SCFD2: variants seen among roughly 807,000 people sequenced by gnomAD.
SCFD2 encodes the protein sec1 family domain-containing protein 2.
A neutral mutation model predicts 58.9 loss-of-function variants in SCFD2; 54 were observed. The observed-to-expected ratio is 0.92, with a 90% CI of 0.74 to 1.15. SCFD2 has a LOEUF of 1.15. Among genes scored for constraint, SCFD2 ranks in the 50% most tolerant of loss-of-function variants. The pLI is 0.00. For synonymous variants in SCFD2, 321 were observed against 335.9 expected, an observed-to-expected ratio of 0.96 and a Z score of 0.49; for missense variants, 805 against 836.6, an observed-to-expected ratio of 0.96 and a Z score of 0.47.
chr4:53,236,451 G>GATATATATAT (rs146595901), intron 4 of SCFD2, among the ~76,000 whole-genome samples: 8,218 of 144,494 alleles, frequency 0.057, 317 homozygotes, highest in East Asian at 0.18. Context: ...CATATATAAG[G>GATATATATAT]ATATATATAT....
At chr4:53,319,270 T>G (rs1241068983) in intron 2 of SCFD2, among the ~76,000 whole-genome samples, 1 of 152,226 alleles carries the variant, frequency 6.6e-6, no homozygotes, top group Non-Finnish European at 1.5e-5. Flanking sequence ...TATCATACTA[T>G]TCCCCTTGTG....
intron 2 of SCFD2, among the ~76,000 whole-genome samples, chr4:53,335,022 C>T (rs1011996341): frequency 5.9e-5 from 9 of 151,902 alleles, no homozygotes; most frequent in African/African-American, 2.2e-4. Context: ...CATAGCAAAA[C>T]CCCATCTCTA....
At chr4:52,970,938 A>G (rs1382903357) in intron 5 of SCFD2, among the ~76,000 whole-genome samples, 1 of 152,220 alleles carries the variant, frequency 6.6e-6, no homozygotes, top group African/African-American at 2.4e-5. Context: ...AAACTCCAAA[A>G]GACCTGCAGC....
intron 3 of SCFD2, among the ~76,000 whole-genome samples, chr4:53,289,128 G>T (rs1731759374): frequency 6.6e-6 from 1 of 152,186 alleles, no homozygotes; most frequent in South Asian, 2.1e-4. Flanking sequence ...ACTTTGGGAG[G>T]CCGAGGCAGG....
At chr4:52,962,678 G>GGT (rs1720879354) in intron 5 of SCFD2, among the ~76,000 whole-genome samples, 1 of 151,882 alleles carries the variant, frequency 6.6e-6, no homozygotes. Context: ...TTTAGAGGGG[G>GGT]GCAGCATTAC....
chr4:53,256,038 C>T (rs879026466), intron 4 of SCFD2, among the ~76,000 whole-genome samples: 5 of 150,322 alleles, frequency 3.3e-5, no homozygotes, highest in African/African-American at 4.9e-5. Flanking sequence ...ACCTCCCTTC[C>T]GGACGGGGCG....
chr4:53,051,106 AT>A (rs1436685652), intron 5 of SCFD2, among the ~76,000 whole-genome samples: 1 of 152,140 alleles, frequency 6.6e-6, no homozygotes, highest in Non-Finnish European at 1.5e-5. Flanking sequence ...ACCACATCTA[AT>A]TTGTTCCTCA....
intron 4 of SCFD2, among the ~76,000 whole-genome samples, chr4:53,244,380 C>T (rs1220649843): frequency 6.6e-6 from 1 of 152,064 alleles, no homozygotes; most frequent in Non-Finnish European, 1.5e-5. Flanking sequence ...GAACTAAAAT[C>T]ATACCAACCA....
intron 5 of SCFD2, among the ~76,000 whole-genome samples, chr4:53,045,523 T>A (rs1439017410): frequency 6.6e-6 from 1 of 152,160 alleles, no homozygotes; most frequent in Non-Finnish European, 1.5e-5. Context: ...TACAAATAAA[T>A]TTATAAATAA....
At chr4:53,363,681 G>A (rs1319791859) in intron 1 of SCFD2, among the ~76,000 whole-genome samples, 2 of 152,136 alleles carry the variant, frequency 1.3e-5, no homozygotes, top group East Asian at 1.9e-4. Context: ...AAGTTAGCCC[G>A]GCGTAGTGGC....
At chr4:52,975,723 C>T (rs879513667) in intron 5 of SCFD2, among the ~76,000 whole-genome samples, 6 of 152,008 alleles carry the variant, frequency 3.9e-5, no homozygotes, top group Non-Finnish European at 7.4e-5. Flanking sequence ...CACATGCACA[C>T]GAATATTTAT....
chr4:53,257,275 T>A (rs1039568265), intron 4 of SCFD2, among the ~76,000 whole-genome samples: 12 of 152,116 alleles, frequency 7.9e-5, no homozygotes, highest in African/African-American at 2.9e-4. Context: ...AGGCTAGGCC[T>A]CCCATGAAGG....
intron 3 of SCFD2, among the ~76,000 whole-genome samples, chr4:53,311,641 C>T (rs1732693029): frequency 1.0e-5 from 1 of 97,854 alleles, no homozygotes; most frequent in South Asian, 3.5e-4. Flanking sequence ...CCTTGATTCA[C>T]AATTTTTTTT....
At chr4:52,978,935 T>C (rs1455731275) in intron 5 of SCFD2, among the ~76,000 whole-genome samples, 4 of 152,026 alleles carry the variant, frequency 2.6e-5, no homozygotes, top group Non-Finnish European at 5.9e-5. Context: ...TTTGTTATTG[T>C]TGTTTTGTAG....
chr4:53,066,858 A>G (rs1723676944), intron 5 of SCFD2, among the ~76,000 whole-genome samples: 1 of 152,004 alleles, frequency 6.6e-6, no homozygotes, highest in Admixed American at 6.6e-5. Flanking sequence ...TTGTCACAGC[A>G]GCAACTTTAC....
intron 3 of SCFD2, among the ~76,000 whole-genome samples, chr4:53,304,116 AAAGAAAATTC>A (rs1732434521): frequency 1.3e-5 from 2 of 151,872 alleles, no homozygotes; most frequent in South Asian, 4.1e-4. Context: ...AAAAAAAAGA[AAAGAAAATTC>A]TTTTCTTTAA....
intron 5 of SCFD2, among the ~76,000 whole-genome samples, chr4:53,088,998 G>T (rs73141481): frequency 6.6e-6 from 1 of 152,214 alleles, no homozygotes; most frequent in African/African-American, 2.4e-5. Context: ...ACTCTGGATA[G>T]CACCCCTACT....
chr4:53,297,769 G>A (rs1476201944), intron 3 of SCFD2, among the ~76,000 whole-genome samples: 1 of 152,166 alleles, frequency 6.6e-6, no homozygotes, highest in Admixed American at 6.5e-5. Context: ...TTACAATGTG[G>A]CATGTTTTTG....
chr4:52,876,327 G>C (rs1025458387), intron 8 of SCFD2, among the ~76,000 whole-genome samples: 1 of 152,314 alleles, frequency 6.6e-6, no homozygotes, highest in Admixed American at 6.5e-5. Context: ...TTTGGTCCTA[G>C]ATCTCCTTTT....
Sources: gnomAD v4.1 joint callset for allele counts (sites outside exome capture counted in the v4.1 genomes callset) on GRCh38, gnomAD v4.1.1 for gene constraint, MANE v1.5 for transcripts, NCBI Gene and HGNC (gene_info 2026-07-23, HGNC 2026-07-21) for gene names.